The following RALYL variants were observed in gnomAD, a reference collection of about 807,000 sequenced individuals.
RALYL encodes RNA-binding Raly-like protein.
RALYL carries 29 observed loss-of-function variants against 35.1 expected under a neutral mutation model. The ratio of observed to expected loss-of-function variants is 0.83; its 90% confidence interval spans 0.61 to 1.13. The LOEUF is 1.13. Among genes scored for constraint, RALYL ranks in the 50% most tolerant of loss-of-function variants. The pLI is 0.00. For synonymous variants in RALYL, 120 were observed against 127.6 expected (o/e 0.94, Z 0.40); for missense variants, 359 against 360.4 (o/e 1.00, Z 0.03).
intron 2 of RALYL, among the ~76,000 whole-genome samples, chr8:84,641,969 T>G (rs1016681586): frequency 1.3e-5 from 2 of 151,956 alleles, no homozygotes; most frequent in Non-Finnish European, 2.9e-5. Context: ...ATTTTATTAA[T>G]AATTATAGTT....
chr8:84,598,522 G>A (rs1229000252), intron 2 of RALYL, among the ~76,000 whole-genome samples: 1 of 152,064 alleles, frequency 6.6e-6, no homozygotes, highest in Non-Finnish European at 1.5e-5. Context: ...TCTGGATTTT[G>A]AGCCCATCAA....
chr8:84,483,226 G>T (rs1230057420), intron 1 of RALYL, among the ~76,000 whole-genome samples: 2 of 151,936 alleles, frequency 1.3e-5, no homozygotes, highest in Non-Finnish European at 2.9e-5. Flanking sequence ...AACTTGCATG[G>T]CTACATAACA....
chr8:84,778,715 A>C (rs1563583934), intron 3 of RALYL, among the ~76,000 whole-genome samples: 1 of 152,200 alleles, frequency 6.6e-6, no homozygotes, highest in Non-Finnish European at 1.5e-5. Context: ...ATATATCTAT[A>C]TATCAGGTTA....
chr8:84,230,703 G>T (rs919994479), intron 1 of RALYL, among the ~76,000 whole-genome samples: 16 of 151,956 alleles, frequency 1.1e-4, no homozygotes, highest in Middle Eastern at 3.2e-3. Flanking sequence ...TCTCATTTTT[G>T]AGCACATTTT....
At chr8:84,505,262 C>G (rs1389272170) in intron 1 of RALYL, among the ~76,000 whole-genome samples, 1 of 152,066 alleles carries the variant, frequency 6.6e-6, no homozygotes, top group African/African-American at 2.4e-5. Flanking sequence ...AAACATTTTC[C>G]TTATGTGACA....
intron 1 of RALYL, among the ~76,000 whole-genome samples, chr8:84,513,229 T>C (rs2057768379): frequency 6.6e-6 from 1 of 152,214 alleles, no homozygotes; most frequent in Non-Finnish European, 1.5e-5. Context: ...AGAACTCTTT[T>C]ACCTGCTTGG....
chr8:84,261,393 T>C (rs953113621), intron 1 of RALYL, among the ~76,000 whole-genome samples: 2 of 152,288 alleles, frequency 1.3e-5, no homozygotes, highest in South Asian at 4.2e-4. Flanking sequence ...TTCCTCCTTA[T>C]AGTAAGTTCT....
chr8:84,454,126 T>C (rs569042348), intron 1 of RALYL, among the ~76,000 whole-genome samples: 1 of 152,112 alleles, frequency 6.6e-6, no homozygotes, highest in South Asian at 2.1e-4. Context: ...TATACTGTGA[T>C]GTGGGGTGTG....
intron 2 of RALYL, among the ~76,000 whole-genome samples, chr8:84,582,671 T>A (rs939816620): frequency 2.6e-5 from 4 of 152,062 alleles, no homozygotes; most frequent in Non-Finnish European, 5.9e-5. Flanking sequence ...GAAGCAAAGC[T>A]GTTAGAAAGC....
intron 5 of RALYL, among the ~76,000 whole-genome samples, chr8:84,859,323 G>A (rs569160297): frequency 1.3e-5 from 2 of 152,194 alleles, no homozygotes; most frequent in East Asian, 3.9e-4. Context: ...GTAGCCTCTG[G>A]TCCTTTTGTT....
chr8:84,879,000 A>G (rs75426318), intron 7 of RALYL, among the ~76,000 whole-genome samples: 7,543 of 139,168 alleles, frequency 0.054, 609 homozygotes, highest in African/African-American at 0.21. Context: ...TCTGAAAAGT[A>G]CTAAAAAGAG....
chr8:84,306,459 T>C (rs1021245187), intron 1 of RALYL, among the ~76,000 whole-genome samples: 4 of 152,102 alleles, frequency 2.6e-5, no homozygotes, highest in African/African-American at 4.8e-5. Context: ...TTATCATGGA[T>C]TCATTGGCAC....
intron 1 of RALYL, among the ~76,000 whole-genome samples, chr8:84,457,687 T>C (rs1042328635): frequency 2.0e-5 from 3 of 151,918 alleles, no homozygotes; most frequent in Admixed American, 1.3e-4. Context: ...GTTGATTACA[T>C]AATTTGTATT....
At chr8:84,405,376 A>G (rs1023559976) in intron 1 of RALYL, among the ~76,000 whole-genome samples, 4 of 152,186 alleles carry the variant, frequency 2.6e-5, no homozygotes, top group Admixed American at 2.6e-4. Flanking sequence ...TTACTGAAAG[A>G]TCCAGAGACA....
intron 1 of RALYL, among the ~76,000 whole-genome samples, chr8:84,452,532 A>G (rs1194952520): frequency 6.6e-6 from 1 of 151,940 alleles, no homozygotes; most frequent in Non-Finnish European, 1.5e-5. Flanking sequence ...AAATAAAGTA[A>G]GCACTGGTTA....
chr8:84,445,045 A>G (rs564527442), intron 1 of RALYL, among the ~76,000 whole-genome samples: 1 of 152,174 alleles, frequency 6.6e-6, no homozygotes, highest in Admixed American at 6.5e-5. Context: ...TGTTTACCCA[A>G]AAGGTGGAAA....
At chr8:84,481,541 C>A (rs1461538560) in intron 1 of RALYL, among the ~76,000 whole-genome samples, 2 of 151,900 alleles carry the variant, frequency 1.3e-5, no homozygotes, top group Non-Finnish European at 2.9e-5. Context: ...ATTTACAATG[C>A]AATTTAAATA....
chr8:84,201,152 A>G (rs1311752804), intron 1 of RALYL, among the ~76,000 whole-genome samples: 3 of 152,228 alleles, frequency 2.0e-5, no homozygotes, highest in East Asian at 3.8e-4. Flanking sequence ...AATGTGACCC[A>G]TGATGAGGTG....
intron 2 of RALYL, among the ~76,000 whole-genome samples, chr8:84,601,017 T>C (rs754125268): frequency 1.3e-4 from 20 of 152,120 alleles, no homozygotes; most frequent in Non-Finnish European, 2.4e-4. Flanking sequence ...ATCTTAGATA[T>C]GCAAAGATAT....
Sources: allele counts gnomAD v4.1 joint callset (sites outside exome capture counted in the v4.1 genomes callset), GRCh38; gene constraint gnomAD v4.1.1; transcripts MANE v1.5; gene names NCBI Gene and HGNC (gene_info 2026-07-23, HGNC 2026-07-21).